PRDM16: variants seen among roughly 807,000 people sequenced by gnomAD.
PRDM16 encodes PR/SET domain 16, also known as histone-lysine N-methyltransferase PRDM16.
PRDM16 carries 23 observed loss-of-function variants against 110.6 expected under a neutral mutation model. The ratio of observed to expected loss-of-function variants is 0.21; its 90% CI spans 0.15 to 0.29. The LOEUF is 0.29. Among genes scored for constraint, PRDM16 ranks in the 10% least tolerant of loss-of-function variants. The pLI, the probability that PRDM16 is intolerant of heterozygous loss-of-function variation, is 1.00. For synonymous variants in PRDM16, 799 were observed against 781.8 expected (o/e 1.02, Z -0.37); for missense variants, 1,615 against 1,794.3 (o/e 0.90, Z 1.81).
At position 3,412,774 on chromosome 1, in the gene PRDM16, G is replaced by A. The variant is rs768230502; in HGVS notation, c.2577G>A (p.Ser859=). The A allele has an allele frequency of 2.4e-5, 35 of 1,484,530 alleles. No individual in the cohort carries two copies. Among genetic ancestry groups the A allele is most frequent in the Middle Eastern group, 1.8e-4 (1 of 5,628 alleles). 92.0% of individuals were successfully genotyped at this position (1,484,530 alleles called of 1,614,324 possible). A position where few individuals can be genotyped will look rare whatever the true frequency, so the allele number is the denominator to read the frequency against. ...CCCCGCTCCACTACGCCAAGCCCTC[G>A]CCCTTCTTCATGGACCCCATCTACA... ...QQPPLHYAKP[S]PFFMDPIYSR... The change falls in exon 9 of 17, where the codon TCG becomes TCA. Residue 859 remains serine, a synonymous_variant. Transcript: ENST00000270722.
At chr1:3,251,396 C>A (rs1393216574) in intron 3 of PRDM16, among the ~76,000 whole-genome samples, 1 of 152,168 alleles carries the variant, frequency 6.6e-6, no homozygotes, top group Non-Finnish European at 1.5e-5. Context: ...AGGCACAGCT[C>A]TGGGCACCCG....
intron 2 of PRDM16, among the ~76,000 whole-genome samples, chr1:3,188,596 A>G (rs2817137): frequency 0.33 from 49,459 of 152,032 alleles, 9,094 homozygotes; most frequent in African/African-American, 0.51. Flanking sequence ...GCGCTTAGAA[A>G]TATTTACTCT....
Position 3,359,886 on chromosome 1 carries a change from C to G in PRDM16, c.439-25266C>G, listed in dbSNP as rs1642680850. ...CCAATGTGTTCCATGTGCAGGATCT[C>G]TTGGAAGACGGATGCCGTGTGCACG... On this transcript the variant is annotated intron_variant, in intron 3 of 16. Transcript: ENST00000270722. This position sits in a 1 kb window ranked among gnomAD's most constrained non-coding sequence, Gnocchi z 4.3. Among the ~76,000 whole-genome samples the G allele has an allele frequency of 6.6e-6, 1 of 152,198 alleles. No individual in the cohort carries two copies. Among genetic ancestry groups the G allele is most frequent in the Admixed American group, 6.5e-5 (1 of 15,274 alleles).
chr1:3,320,345 C>T (rs78099630), intron 3 of PRDM16, among the ~76,000 whole-genome samples: 3,037 of 152,196 alleles, frequency 0.02, 103 homozygotes, highest in African/African-American at 0.065. Context: ...TGTGTATGCA[C>T]ACGTGCACAC....
intron 2 of PRDM16, among the ~76,000 whole-genome samples, chr1:3,199,148 G>A (rs933056200): frequency 6.6e-6 from 1 of 152,160 alleles, no homozygotes; most frequent in Non-Finnish European, 1.5e-5. Flanking sequence ...AGGGGGATTA[G>A]GATGCTTGCT....
chr1:3,071,948 TGTG>T (rs1641773080), intron 1 of PRDM16, among the ~76,000 whole-genome samples: 2 of 152,182 alleles, frequency 1.3e-5, no homozygotes, highest in Non-Finnish European at 2.9e-5. Flanking sequence ...GATTGGGTCT[TGTG>T]AAGGGCCAAA....
Position 3,081,389 on chromosome 1 carries a change from C to T in PRDM16, c.37+12093C>T, listed in dbSNP as rs1642024490. On this transcript the variant is annotated intron_variant, in intron 1 of 16. Coordinates refer to ENST00000270722, the MANE Select transcript of PRDM16 (RefSeq NM_022114.4). The surrounding 1 kb of genome is among the most constrained non-coding windows in gnomAD (Gnocchi z 4.6). ...ACGAGGGGCTGGTGGCCACGGTGGG[C>T]GTGAGAGGCCCATTCCTGCAGCCTG... Among the ~76,000 whole-genome samples, 2 of 152,156 alleles carry T rather than the reference C, an allele frequency of 1.3e-5. No individual in the cohort carries two copies. Among genetic ancestry groups the T allele is most frequent in the African/African-American group, 4.8e-5 (2 of 41,454 alleles).
At chr1:3,115,308 A>C (rs1642930856) in intron 1 of PRDM16, among the ~76,000 whole-genome samples, 1 of 152,204 alleles carries the variant, frequency 6.6e-6, no homozygotes, top group Admixed American at 6.5e-5. Flanking sequence ...GGCTGTGAGA[A>C]TGTGGTGGCC....
chr1:3,369,730 T>G (rs1642877216), intron 3 of PRDM16, among the ~76,000 whole-genome samples: 1 of 152,252 alleles, frequency 6.6e-6, no homozygotes, highest in Non-Finnish European at 1.5e-5. Flanking sequence ...GCCAGCATCT[T>G]TTTATGCACG....
At chr1:3,432,592 C>G (rs2100705485) in intron 16 of PRDM16, among the ~76,000 whole-genome samples, 1 of 152,296 alleles carries the variant, frequency 6.6e-6, no homozygotes, top group Non-Finnish European at 1.5e-5. Flanking sequence ...AGGGTTTTGG[C>G]CCCAGGCGCT....
intron 8 of PRDM16, among the ~76,000 whole-genome samples, chr1:3,407,442 G>A (rs549009509): frequency 8.3e-4 from 127 of 152,286 alleles, no homozygotes; most frequent in African/African-American, 2.8e-3. Flanking sequence ...CAGTGTGCCC[G>A]GCTCCGGCAC....
chr1:3,094,849 G>A (rs1642358665), intron 1 of PRDM16, among the ~76,000 whole-genome samples: 1 of 151,996 alleles, frequency 6.6e-6, no homozygotes, highest in Admixed American at 6.6e-5. Flanking sequence ...GGGACTCTGG[G>A]TGGGAAGGAG....
chr1:3,360,004 G>T (rs557596170), intron 3 of PRDM16, among the ~76,000 whole-genome samples: 1 of 152,338 alleles, frequency 6.6e-6, no homozygotes, highest in Admixed American at 6.5e-5. Flanking sequence ...AACAGCAAAC[G>T]TAATTAACTC....
chr1:3,293,508 A>G (rs1641022620), intron 3 of PRDM16, among the ~76,000 whole-genome samples: 2 of 152,366 alleles, frequency 1.3e-5, no homozygotes, highest in African/African-American at 4.8e-5. Flanking sequence ...TTGGAACGCA[A>G]ACTTATCAGA....
At position 3,412,352 on chromosome 1, in the gene PRDM16, C is replaced by T. The variant is rs1557661984; in HGVS notation, c.2155C>T (p.Leu719Phe). The T allele has an allele frequency of 3.1e-6, 5 of 1,613,708 alleles. No homozygotes were observed. Among genetic ancestry groups the T allele is most frequent in the Non-Finnish European group, 3.4e-6 (4 of 1,180,022 alleles). ...GATGCAGGAGAAGAAGCTGGGCTCG[C>T]TCCCCTACCACTCGGCGTTCCCCTT... ...MGMQEKKLGS[L>F]PYHSAFPFQF... Residue 719 changes from leucine (L) to phenylalanine (F), a missense_variant, in exon 9 of 17, where the codon CTC becomes TTC. Coordinates refer to ENST00000270722, the MANE Select transcript of PRDM16 (RefSeq NM_022114.4).
chr1:3,252,316 T>A (rs1339495453), intron 3 of PRDM16, among the ~76,000 whole-genome samples: 1 of 152,224 alleles, frequency 6.6e-6, no homozygotes, highest in Non-Finnish European at 1.5e-5. Context: ...GGCTGGGCTC[T>A]GCAGCTGCTC....
At chr1:3,366,385 C>T (rs1642816305) in intron 3 of PRDM16, among the ~76,000 whole-genome samples, 1 of 152,232 alleles carries the variant, frequency 6.6e-6, no homozygotes, top group East Asian at 1.9e-4. Context: ...ACGGCCGTGT[C>T]CCCTGCCCTG....
intron 1 of PRDM16, among the ~76,000 whole-genome samples, chr1:3,105,134 G>A (rs574940584): frequency 9.2e-5 from 14 of 152,150 alleles, no homozygotes; most frequent in African/African-American, 3.4e-4. Flanking sequence ...CCCCCAAGTA[G>A]TGAGCCCTCC....
intron 3 of PRDM16, among the ~76,000 whole-genome samples, chr1:3,288,614 G>A (rs962022551): frequency 1.3e-5 from 2 of 152,092 alleles, no homozygotes; most frequent in Non-Finnish European, 2.9e-5. Flanking sequence ...GTCCTGGTGG[G>A]ACCGAGGCCA....
Sources: allele counts gnomAD v4.1 joint callset (sites outside exome capture counted in the v4.1 genomes callset), GRCh38; gene constraint gnomAD v4.1.1; non-coding constraint Gnocchi (gnomAD v3.1); transcripts MANE v1.5; gene names NCBI Gene and HGNC (gene_info 2026-07-23, HGNC 2026-07-21).